The following KIAA0825 variants were observed in gnomAD, a reference collection of about 807,000 sequenced individuals.
KIAA0825 encodes KIAA0825, also known as uncharacterized protein KIAA0825.
Under a neutral mutation model 147.6 loss-of-function variants are expected in KIAA0825, and 119 were observed. The ratio of observed to expected loss-of-function variants is 0.81; its 90% CI spans 0.69 to 0.94. The LOEUF is 0.94. KIAA0825 is among the 40% of genes least tolerant of loss of function. The pLI, the probability that KIAA0825 is intolerant of heterozygous loss-of-function variation, is 0.00. For synonymous variants in KIAA0825, 470 were observed against 518.1 expected (o/e 0.91, Z 1.26); for missense variants, 1,381 against 1,472.7 (o/e 0.94, Z 1.02).
chr5:94,155,432 C>T (rs564251668), intron 20 of KIAA0825, among the ~76,000 whole-genome samples: 2 of 151,714 alleles, frequency 1.3e-5, no homozygotes, highest in South Asian at 4.2e-4. Flanking sequence ...GTTGCCCAGG[C>T]TCATCTTGAC....
chr5:94,448,252 A>G (rs1757973957), intron 13 of KIAA0825, among the ~76,000 whole-genome samples: 1 of 151,640 alleles, frequency 6.6e-6, no homozygotes, highest in South Asian at 2.1e-4. Context: ...CATTTTACTT[A>G]CTGCTTTGAA....
At chr5:94,453,945 T>C (rs927636664) in intron 12 of KIAA0825, among the ~76,000 whole-genome samples, 1 of 152,006 alleles carries the variant, frequency 6.6e-6, no homozygotes, top group African/African-American at 2.4e-5. Context: ...AATTAATTTT[T>C]TATGCTCCTA....
At chr5:94,160,954 C>T (rs1767524303) in intron 20 of KIAA0825, among the ~76,000 whole-genome samples, 1 of 152,170 alleles carries the variant, frequency 6.6e-6, no homozygotes, top group South Asian at 2.1e-4. Flanking sequence ...TTCTCAGGAT[C>T]AGTCCTAGAC....
intron 13 of KIAA0825, among the ~76,000 whole-genome samples, chr5:94,449,610 G>A (rs1758142073): frequency 6.6e-6 from 1 of 152,136 alleles, no homozygotes; most frequent in Admixed American, 6.6e-5. Flanking sequence ...ACATCGTATT[G>A]AATGAAAGTG....
chr5:94,433,058 G>A (rs999716562), intron 14 of KIAA0825, among the ~76,000 whole-genome samples: 12 of 151,988 alleles, frequency 7.9e-5, no homozygotes, highest in African/African-American at 1.9e-4. Context: ...TTTTGAGATG[G>A]AGTCTCGCTC....
chr5:94,241,907 T>C (rs1026259839), intron 20 of KIAA0825, among the ~76,000 whole-genome samples: 1 of 152,212 alleles, frequency 6.6e-6, no homozygotes, highest in African/African-American at 2.4e-5. Flanking sequence ...GGTTACTTCA[T>C]AGAAGCACTG....
chr5:94,322,597 A>G (rs190892596), intron 20 of KIAA0825, among the ~76,000 whole-genome samples: 193 of 152,002 alleles, frequency 1.3e-3, no homozygotes, highest in African/African-American at 4.4e-3. Flanking sequence ...ATAATATATT[A>G]AAATTTAATT....
chr5:94,244,896 A>G (rs1404183512), intron 20 of KIAA0825, among the ~76,000 whole-genome samples: 1 of 152,216 alleles, frequency 6.6e-6, no homozygotes, highest in African/African-American at 2.4e-5. Flanking sequence ...CATGGGGTAC[A>G]TATGCTTCCA....
At chr5:94,449,138 G>A (rs1758085952) in intron 13 of KIAA0825, among the ~76,000 whole-genome samples, 3 of 152,070 alleles carry the variant, frequency 2.0e-5, no homozygotes, top group Admixed American at 2.0e-4. Context: ...GCCTGAAGCT[G>A]AGAATAAGCA....
At chr5:94,200,471 G>A (rs1771565155) in intron 20 of KIAA0825, among the ~76,000 whole-genome samples, 1 of 151,950 alleles carries the variant, frequency 6.6e-6, no homozygotes, top group Non-Finnish European at 1.5e-5. Flanking sequence ...GGTGGGAGAA[G>A]CTCTTCCTAG....
intron 20 of KIAA0825, among the ~76,000 whole-genome samples, chr5:94,219,489 A>C (rs943150969): frequency 6.6e-6 from 1 of 152,170 alleles, no homozygotes; most frequent in African/African-American, 2.4e-5. Flanking sequence ...CCATGTCACA[A>C]TATTTAAATA....
At chr5:94,461,656 G>A (rs1383093850) in intron 12 of KIAA0825, among the ~76,000 whole-genome samples, 1 of 151,776 alleles carries the variant, frequency 6.6e-6, no homozygotes, top group Non-Finnish European at 1.5e-5. Flanking sequence ...TAAAAATTAA[G>A]ATTTGTATGT....
At chr5:94,277,370 G>A (rs1191516334) in intron 20 of KIAA0825, among the ~76,000 whole-genome samples, 1 of 151,932 alleles carries the variant, frequency 6.6e-6, no homozygotes, top group Non-Finnish European at 1.5e-5. Context: ...CTGACAAAGG[G>A]CTAATATCCA....
At chr5:94,421,629 C>T (rs922052605) in intron 14 of KIAA0825, among the ~76,000 whole-genome samples, 1 of 152,158 alleles carries the variant, frequency 6.6e-6, no homozygotes, top group Admixed American at 6.6e-5. Flanking sequence ...GTCCCTTCTT[C>T]TTTGATTCTA....
At chr5:94,533,140 G>A (rs151214391) in intron 3 of KIAA0825, among the ~76,000 whole-genome samples, 31,660 of 151,044 alleles carry the variant, frequency 0.21, 3,513 homozygotes, top group East Asian at 0.33. Flanking sequence ...CACCACGCCC[G>A]GCTAATTTTT....
In KIAA0825 at chr5:94,608,481, A is replaced by G. The variant is rs1264258757; in HGVS notation, c.-153+10019T>C. On this transcript the variant is annotated intron_variant, in intron 1 of 20. Coordinates refer to ENST00000682413, the MANE Select transcript of KIAA0825 (RefSeq NM_001145678.3). ...TATATATATTATATATATAATATAT[A>G]TATATATATAATTATATATATATAT... 9.7e-5 allele frequency among the ~76,000 whole-genome samples: 4 copies of G among 41,334 alleles called. 2 individuals carry two copies. Among genetic ancestry groups the G allele is most frequent in the Non-Finnish European group, 1.6e-4 (4 of 24,486 alleles). 27.1% of individuals were successfully genotyped at this position (41,334 alleles called of 152,430 possible).
intron 5 of KIAA0825, among the ~76,000 whole-genome samples, chr5:94,508,132 A>ATT (rs879853305): frequency 5.6e-4 from 82 of 145,568 alleles, no homozygotes; most frequent in African/African-American, 1.9e-3. Context: ...GTGGTATGCA[A>ATT]TTTTTTTTTT....
chr5:94,340,994 G>A (rs1782312103), intron 20 of KIAA0825, among the ~76,000 whole-genome samples: 1 of 152,088 alleles, frequency 6.6e-6, no homozygotes, highest in Admixed American at 6.5e-5. Flanking sequence ...TCCACGGATG[G>A]GTCCCTGATG....
chr5:94,542,316 CTTTTG>C (rs1449026213), intron 2 of KIAA0825, among the ~76,000 whole-genome samples: 7 of 152,102 alleles, frequency 4.6e-5, no homozygotes, highest in Non-Finnish European at 4.4e-5. Context: ...TGTTGCTGAT[CTTTTG>C]TTTTGTTTTT....
Sources: gnomAD v4.1 joint callset for allele counts (sites outside exome capture counted in the v4.1 genomes callset) on GRCh38, gnomAD v4.1.1 for gene constraint, MANE v1.5 for transcripts, NCBI Gene and HGNC (gene_info 2026-07-23, HGNC 2026-07-21) for gene names.